Variants in EPHA5 observed in about 807,000 individuals in gnomAD.
EPHA5 encodes ephrin type-A receptor 5.
A neutral mutation model predicts 105.0 loss-of-function variants in EPHA5; 60 were observed. The ratio of observed to expected loss-of-function variants is 0.57; its 90% CI spans 0.46 to 0.71. The LOEUF (loss-of-function observed/expected upper bound fraction) is 0.71. Among genes scored for constraint, EPHA5 ranks in the 30% least tolerant of loss-of-function variants. The pLI is 0.00. For synonymous variants in EPHA5, 513 were observed against 449.1 expected (o/e 1.14, Z -1.80); for missense variants, 1,218 against 1,274.7 (o/e 0.96, Z 0.68).
intron 3 of EPHA5, among the ~76,000 whole-genome samples, chr4:65,589,508 G>A (rs1215649160): frequency 1.3e-5 from 2 of 152,090 alleles, no homozygotes; most frequent in Non-Finnish European, 2.9e-5. Flanking sequence ...CTTCACTGTT[G>A]TGACATTTCA....
intron 5 of EPHA5, among the ~76,000 whole-genome samples, chr4:65,431,835 C>A (rs1018118415): frequency 6.6e-6 from 1 of 151,992 alleles, no homozygotes; most frequent in Non-Finnish European, 1.5e-5. Flanking sequence ...AGAGTGGCCT[C>A]ATTTATCTTT....
intron 3 of EPHA5, among the ~76,000 whole-genome samples, chr4:65,519,762 G>A (rs976791247): frequency 6.6e-6 from 1 of 152,066 alleles, no homozygotes; most frequent in African/African-American, 2.4e-5. Flanking sequence ...AATCATGAGT[G>A]AATGTCCATT....
chr4:65,411,489 C>T (rs533641306), intron 7 of EPHA5, among the ~76,000 whole-genome samples: 1 of 152,132 alleles, frequency 6.6e-6, no homozygotes, highest in South Asian at 2.1e-4. Flanking sequence ...AAAAAGTATA[C>T]TCAGGGAAAT....
intron 5 of EPHA5, among the ~76,000 whole-genome samples, chr4:65,484,793 GA>G (rs1298679808): frequency 6.6e-6 from 1 of 151,840 alleles, no homozygotes; most frequent in Non-Finnish European, 1.5e-5. Flanking sequence ...TATATTTATA[GA>G]AAAACATAAA....
chr4:65,634,973 C>T lies in EPHA5; in HGVS notation c.246+8390G>A, dbSNP rs1407274551. 2.0e-5 allele frequency among the ~76,000 whole-genome samples: 3 copies of T among 152,062 alleles called. No individual in the cohort carries two copies. The East Asian group carries it at 5.8e-4, about 29-fold the overall frequency. On this transcript the variant is annotated intron_variant, in intron 2 of 16. Transcript: ENST00000613740. ...GAGGTACAAGAAATTATACACAAAA[C>T]ACGCACACAAACACAAACATGCACA... is the stretch of plus-strand genomic sequence containing the variant.
intron 11 of EPHA5, among the ~76,000 whole-genome samples, chr4:65,360,757 C>T (rs115517470): frequency 0.013 from 2,016 of 151,602 alleles, 38 homozygotes; most frequent in African/African-American, 0.045. Context: ...AAAACATAAA[C>T]TATATCATTC....
intron 3 of EPHA5, among the ~76,000 whole-genome samples, chr4:65,517,614 C>A (rs1734233718): frequency 6.6e-6 from 1 of 151,832 alleles, no homozygotes; most frequent in South Asian, 2.1e-4. Context: ...TTTTCTTCTT[C>A]ATTGTGGAAT....
At chr4:65,518,434 C>CA (rs1734320520) in intron 3 of EPHA5, among the ~76,000 whole-genome samples, 2 of 151,760 alleles carry the variant, frequency 1.3e-5, no homozygotes, top group African/African-American at 4.8e-5. Context: ...CACACACACA[C>CA]CCACACACAC....
chr4:65,467,568 C>A (rs1728840568), intron 5 of EPHA5, among the ~76,000 whole-genome samples: 1 of 152,160 alleles, frequency 6.6e-6, no homozygotes, highest in Non-Finnish European at 1.5e-5. Flanking sequence ...GAGAAAAATT[C>A]AGTTATCTCA....
At chr4:65,496,400 C>T (rs1235927787) in intron 3 of EPHA5, among the ~76,000 whole-genome samples, 1 of 134,262 alleles carries the variant, frequency 7.4e-6, no homozygotes, top group African/African-American at 2.8e-5. Context: ...CCACCACAGG[C>T]CCCAGAGTGT....
chr4:65,383,055 A>G (rs1165128233), intron 8 of EPHA5, among the ~76,000 whole-genome samples: 1 of 149,190 alleles, frequency 6.7e-6, no homozygotes, highest in East Asian at 2.0e-4. Context: ...TACATTATAT[A>G]TATGTAAATT....
chr4:65,430,496 C>T (rs561842081), intron 5 of EPHA5, among the ~76,000 whole-genome samples: 1 of 151,962 alleles, frequency 6.6e-6, no homozygotes, highest in Non-Finnish European at 1.5e-5. Flanking sequence ...ACTGTAATTG[C>T]TGTACCATAA....
At chr4:65,631,981 C>G (rs1032259305) in intron 2 of EPHA5, among the ~76,000 whole-genome samples, 10 of 151,600 alleles carry the variant, frequency 6.6e-5, no homozygotes, top group Admixed American at 2.0e-4. Flanking sequence ...AGAACAAGAA[C>G]AAGAATAATG....
intron 5 of EPHA5, among the ~76,000 whole-genome samples, chr4:65,484,974 TA>T (rs1730742438): frequency 6.6e-6 from 1 of 151,954 alleles, no homozygotes; most frequent in African/African-American, 2.4e-5. Flanking sequence ...TAAATAAATC[TA>T]AATATTATTT....
chr4:65,627,127 C>T (rs1401226358), intron 2 of EPHA5, among the ~76,000 whole-genome samples: 2 of 152,184 alleles, frequency 1.3e-5, no homozygotes, highest in Non-Finnish European at 2.9e-5. Flanking sequence ...TTAGGCAGTT[C>T]TCCATACTTC....
Position 65,336,021 on chromosome 4 carries a change from G to C in EPHA5, c.2700C>G (p.Ser900Arg), listed in dbSNP as rs749996486. 6.2e-7 allele frequency: 1 copy of C among 1,613,310 alleles called. No individual in the cohort carries two copies. The highest frequency in any genetic ancestry group is 1.7e-5 in the Admixed American group (1 of 59,880). Reference sequence around the variant, plus strand: ...TGACTATTTCATCAAACTTGGGCCTGCTATTTCGCTCTTTCTGCCAGCAAT... The same window carrying C: ...TGACTATTTCATCAAACTTGGGCCTCCTATTTCGCTCTTTCTGCCAGCAAT... ...MLDCWQKERNSRPKFDEIVNM... is the reference protein window; with the variant it reads ...MLDCWQKERNRRPKFDEIVNM... The change falls in exon 15 of 17, where the codon AGC becomes AGG. Residue 900 changes from serine to arginine, a missense_variant. Ser to Arg is a moderately radical substitution (Grantham distance 110). Around this residue, in one of 3 missense-constraint regions of EPHA5, gnomAD observed 971 missense variants for 1,013.5 expected, o/e 0.96. Transcript: ENST00000613740.
At chr4:65,513,846 T>G (rs1733856897) in intron 3 of EPHA5, among the ~76,000 whole-genome samples, 1 of 152,172 alleles carries the variant, frequency 6.6e-6, no homozygotes, top group African/African-American at 2.4e-5. Context: ...TTTTTAACGT[T>G]TTTACACTTA....
intron 7 of EPHA5, among the ~76,000 whole-genome samples, chr4:65,408,146 T>A (rs570188978): frequency 2.0e-5 from 3 of 152,270 alleles, no homozygotes; most frequent in South Asian, 2.1e-4. Context: ...ATTAATGATA[T>A]CATTAATTAT....
intron 7 of EPHA5, among the ~76,000 whole-genome samples, chr4:65,407,067 A>AT (rs1722433303): frequency 6.6e-6 from 1 of 152,056 alleles, no homozygotes; most frequent in Admixed American, 6.6e-5. Context: ...GGTTCATAGC[A>AT]TTTTAACTGT....
Sources: gnomAD v4.1 joint callset for allele counts (sites outside exome capture counted in the v4.1 genomes callset) on GRCh38, gnomAD v4.1.1 for gene constraint, gnomAD v4.1.1 regional missense constraint, MANE v1.5 for transcripts, NCBI Gene and HGNC (gene_info 2026-07-23, HGNC 2026-07-21) for gene names.